Variants in ZNF75D observed in about 807,000 individuals in gnomAD.
ZNF75D encodes zinc finger protein 75.
Under a neutral mutation model 33.3 loss-of-function variants are expected in ZNF75D, and 33 were observed. The ratio of observed to expected loss-of-function variants is 0.99; its 90% confidence interval spans 0.75 to 1.32. The LOEUF (loss-of-function observed/expected upper bound fraction) is 1.32, where lower values mean the gene tolerates loss of function less well. ZNF75D is among the 40% of genes most tolerant of loss of function. The probability of loss-of-function intolerance (pLI) is 0.00; values close to 1 mark genes in which losing one functional copy is unlikely to be tolerated. For synonymous variants in ZNF75D, 113 were observed against 130.6 expected (o/e 0.87, Z 0.92); for missense variants, 338 against 367.5 (o/e 0.92, Z 0.66).
chrX:135,325,549 C>T (rs2084554757), intron 1 of ZNF75D, among the ~76,000 whole-genome samples: 1 of 112,290 alleles, frequency 8.9e-6, no homozygotes, highest in South Asian at 3.7e-4. Context: ...GCACTCGGAG[C>T]AGCCGGCCGG....
chrX:135,309,741 A>C, intron 1 of ZNF75D: 1 of 293,702 alleles, frequency 3.4e-6, no homozygotes, highest in Admixed American at 6.1e-5. Context: ...TTGAGACATT[A>C]ATTATAATTA....
At chrX:135,268,456 C>A (rs990479732) in intron 1 of ZNF75D, among the ~76,000 whole-genome samples, 5 of 109,265 alleles carry the variant, frequency 4.6e-5, no homozygotes, top group Non-Finnish European at 9.5e-5. Context: ...TTTCTATATG[C>A]CAACAGTGAA....
chrX:135,319,713 T>C (rs1282744401), intron 1 of ZNF75D, among the ~76,000 whole-genome samples: 10 of 112,002 alleles, frequency 8.9e-5, no homozygotes, highest in Non-Finnish European at 1.9e-4. Flanking sequence ...TCAGAAGTCA[T>C]GAGGACCTGA....
intron 1 of ZNF75D, among the ~76,000 whole-genome samples, chrX:135,260,274 G>A (rs782514453): frequency 2.7e-4 from 30 of 111,763 alleles, no homozygotes; most frequent in Non-Finnish European, 5.1e-4. Flanking sequence ...TTGTGTCTCT[G>A]CCAGGCTTTG....
At chrX:135,326,974 G>A (rs782381512) in intron 1 of ZNF75D, among the ~76,000 whole-genome samples, 4 of 112,599 alleles carry the variant, frequency 3.6e-5, no homozygotes, top group South Asian at 7.4e-4. Context: ...CACCAATTCC[G>A]AACACATCAT....
intron 1 of ZNF75D, among the ~76,000 whole-genome samples, chrX:135,279,413 T>C (rs936785184): frequency 1.8e-5 from 2 of 111,982 alleles, no homozygotes; most frequent in African/African-American, 3.3e-5. Context: ...GTCTATCTAT[T>C]TTGTTAATCT....
downstream of ZNF75D, among the ~76,000 whole-genome samples, chrX:135,281,570 C>G (rs924782139): frequency 9.0e-6 from 1 of 111,336 alleles, no homozygotes; most frequent in Non-Finnish European, 1.9e-5. Flanking sequence ...AGAGGCATTA[C>G]GGTTTTTGGA....
At chrX:135,290,913 G>T in intron 6 of ZNF75D, 96 bp downstream of exon 6, 1 of 806,649 alleles carries the variant, frequency 1.2e-6, no homozygotes, top group Non-Finnish European at 1.8e-6. Flanking sequence ...ATCAGCTGTT[G>T]GAACAGTGGG....
chrX:135,294,313 T>C, intron 2 of ZNF75D, 55 bp from the exon 3 acceptor site: 1 of 360,900 alleles, frequency 2.8e-6, no homozygotes, highest in Non-Finnish European at 4.8e-6. Flanking sequence ...ATGACACATA[T>C]TTACTTGCTA....
intron 1 of ZNF75D, among the ~76,000 whole-genome samples, chrX:135,265,047 C>T (rs1232051612): frequency 9.0e-6 from 1 of 110,824 alleles, no homozygotes; most frequent in Non-Finnish European, 1.9e-5. Context: ...GGTGAAACCC[C>T]ATCTCTACTA....
chrX:135,287,967 C>T (rs925845014), intron 6 of ZNF75D, 121 bp from the exon 7 acceptor site: 12 of 578,064 alleles, frequency 2.1e-5, no homozygotes, highest in Non-Finnish European at 3.2e-5. Flanking sequence ...ATTTCTGGTC[C>T]AGTCTGGACA....
chrX:135,283,872 C>T (rs782072285), downstream of ZNF75D, among the ~76,000 whole-genome samples: 1 of 111,825 alleles, frequency 8.9e-6, no homozygotes, highest in East Asian at 2.8e-4. Flanking sequence ...ACAGGGTAGG[C>T]TTGACCCACT....
chrX:135,292,302 T>C lies in ZNF75D; in HGVS notation c.583A>G (p.Thr195Ala). Residue 195 changes from threonine (T) to alanine (A), a missense_variant, in exon 4 of 7, where the codon ACC becomes GCC. Thr to Ala is a moderately conservative substitution (Grantham distance 58). This residue lies in a region of ZNF75D where 254 missense variants were observed against 267.7 expected (regional missense o/e 0.95). Transcript: ENST00000370766. ...TCACCTCTTTCATATACAGGCTGGG[T>C]TTCTTTGTGAGTGTTCCAGCCCAGC... ...EQLGWNTHKETQPVYERAVHD... is the reference protein window; with the variant it reads ...EQLGWNTHKEAQPVYERAVHD... 1 of 1,210,240 alleles carries C rather than the reference T, an allele frequency of 8.3e-7. No homozygotes were observed. Among genetic ancestry groups the C allele is most frequent in the South Asian group, 1.8e-5 (1 of 56,783 alleles).
chrX:135,337,364 T>G (rs2084725572), intron 1 of ZNF75D, among the ~76,000 whole-genome samples: 1 of 112,037 alleles, frequency 8.9e-6, no homozygotes, highest in African/African-American at 3.2e-5. Flanking sequence ...CAGAGGCCTT[T>G]TAGTTTCATA....
chrX:135,324,120 C>T (rs1169494345), intron 1 of ZNF75D, among the ~76,000 whole-genome samples: 2 of 110,959 alleles, frequency 1.8e-5, no homozygotes, highest in African/African-American at 6.6e-5. Context: ...GATTAAAATC[C>T]GTCACAGTAA....
chrX:135,267,073 T>G (rs782627056), intron 1 of ZNF75D, among the ~76,000 whole-genome samples: 3 of 111,170 alleles, frequency 2.7e-5, no homozygotes, highest in Non-Finnish European at 3.8e-5. Flanking sequence ...AAAATGATAA[T>G]GGAAGCCCAA....
chrX:135,272,836 T>C (rs1439612288), intron 1 of ZNF75D, among the ~76,000 whole-genome samples: 1 of 111,731 alleles, frequency 9.0e-6, no homozygotes, highest in Non-Finnish European at 1.9e-5. Flanking sequence ...AACTTTACTT[T>C]ATTCTCTTCA....
Position 135,269,568 on chromosome X carries a change from G to A in ZNF75D, n.828-13791C>T, listed in dbSNP as rs782104611. On this transcript the variant is annotated intron_variant and non_coding_transcript_variant, in intron 1 of 3. Coordinates refer to the ZNF75D transcript ENST00000494295. ...TGGATATCATCTCACCACAGCTAAC[G>A]TGTTATTTTTCCAGAAGTGAGGCAA... 7.1e-5 allele frequency among the ~76,000 whole-genome samples: 8 copies of A among 111,920 alleles called. No homozygotes were observed. In the East Asian group the frequency reaches 1.1e-3, roughly 16 times the overall value.
At chrX:135,278,639 C>T (rs1415787830) in intron 1 of ZNF75D, among the ~76,000 whole-genome samples, 1 of 111,498 alleles carries the variant, frequency 9.0e-6, no homozygotes, top group Non-Finnish European at 1.9e-5. Context: ...ATAAATAGCC[C>T]TTATTATTTT....
Sources: allele counts gnomAD v4.1 joint callset (sites outside exome capture counted in the v4.1 genomes callset), GRCh38; gene constraint gnomAD v4.1.1; regional missense constraint gnomAD v4.1.1; transcripts MANE v1.5; gene names NCBI Gene and HGNC (gene_info 2026-07-23, HGNC 2026-07-21).